TENM3: variants seen among roughly 807,000 people sequenced by gnomAD.
The protein encoded by TENM3 is teneurin-3.
A neutral mutation model predicts 255.1 loss-of-function variants in TENM3; 63 were observed. That is an observed-to-expected ratio of 0.25 (90% CI 0.20 to 0.30). The LOEUF (loss-of-function observed/expected upper bound fraction) is 0.30, where lower values mean the gene tolerates loss of function less well. Ranked by LOEUF, TENM3 falls within the 10% of genes least tolerant of loss-of-function variation. The pLI is 1.00. For synonymous variants in TENM3, 1,306 were observed against 1,322.3 expected (o/e 0.99, Z 0.27); for missense variants, 2,929 against 3,461.1 (o/e 0.85, Z 3.86).
chr4:181,512,134 T>C, the TENM3 span, among the ~76,000 whole-genome samples: 1 of 152,132 alleles, frequency 6.6e-6, no homozygotes, highest in Non-Finnish European at 1.5e-5. Flanking sequence ...TAGGCCAAGC[T>C]CCTGTGCCAC....
intron 3 of TENM3, among the ~76,000 whole-genome samples, chr4:182,547,841 G>A (rs1741598600): frequency 6.6e-6 from 1 of 152,188 alleles, no homozygotes; most frequent in Admixed American, 6.5e-5. Context: ...CAGATATTAA[G>A]GCATGGAGAA....
At chr4:181,865,836 A>G in the TENM3 span, among the ~76,000 whole-genome samples, 1 of 152,164 alleles carries the variant, frequency 6.6e-6, no homozygotes, top group African/African-American at 2.4e-5. Context: ...ATATATATTT[A>G]AGGAGACTTG....
intron 11 of TENM3, among the ~76,000 whole-genome samples, chr4:182,684,248 A>C (rs1032769891): frequency 6.6e-6 from 1 of 151,460 alleles, no homozygotes; most frequent in Non-Finnish European, 1.5e-5. Flanking sequence ...AATGGATTTT[A>C]CTAGCAGTGT....
At position 182,729,194 on chromosome 4, in the gene TENM3, T is replaced by G; in HGVS notation, c.2585+13T>G. The G allele has an allele frequency of 6.3e-7, 1 of 1,591,396 alleles. No individual in the cohort carries two copies. The highest frequency in any genetic ancestry group is 8.6e-7 in the Non-Finnish European group (1 of 1,159,488). ...CTTTCAATAAGAGGTTAATGCTTCTTTTCCATATGTAGATTTGTAATGATG... is the reference window on the plus strand; with the variant it reads ...CTTTCAATAAGAGGTTAATGCTTCTGTTCCATATGTAGATTTGTAATGATG... On this transcript the variant is annotated intron_variant, in intron 14 of 27. Coordinates refer to ENST00000511685, the MANE Select transcript of TENM3 (RefSeq NM_001080477.4).
chr4:181,837,575 A>G, the TENM3 span, among the ~76,000 whole-genome samples: 2 of 152,224 alleles, frequency 1.3e-5, no homozygotes, highest in Non-Finnish European at 2.9e-5. Context: ...TCATTGCTGC[A>G]TGTCCAACAG....
chr4:182,737,595 T>C (rs1391801659), intron 17 of TENM3, among the ~76,000 whole-genome samples: 2 of 152,164 alleles, frequency 1.3e-5, no homozygotes, highest in Non-Finnish European at 2.9e-5. Flanking sequence ...ATTGAATGAC[T>C]GAACAGTGCA....
the TENM3 span, among the ~76,000 whole-genome samples, chr4:181,598,212 G>A: frequency 4.3e-4 from 65 of 152,094 alleles, 1 homozygote; most frequent in South Asian, 1.5e-3. Flanking sequence ...TCTCTTCTCC[G>A]TTTACAACAC....
chr4:182,680,692 T>A lies in TENM3; in HGVS notation c.1789T>A (p.Ser597Thr), dbSNP rs965447514. The part of the protein sequence containing the change: ...CGGRGICIMG[S>T]CACNSGYKGE... The stretch of plus-strand genomic sequence containing the variant: ...GGGTCGTGGGATTTGTATCATGGGC[T>A]CTTGTGCTTGCAACTCAGGATACAA... The change falls in exon 10 of 28, where the codon TCT becomes ACT. Residue 597 changes from serine (S) to threonine (T), a missense_variant. By Grantham distance (58) the Ser-to-Thr change is moderately conservative (BLOSUM62 1). This residue lies in a region of TENM3 where 1,608 missense variants were observed against 1,884.4 expected (regional missense o/e 0.85). Transcript: ENST00000511685. 1 of 1,594,290 alleles carries A rather than the reference T, an allele frequency of 6.3e-7. No homozygotes were observed. The highest frequency in any genetic ancestry group is 1.8e-5 in the Admixed American group (1 of 54,078).
rs577691469 is a variant in TENM3 at position 182,686,007 on chromosome 4, C to T, written c.2036-2159C>T. 6.8e-4 allele frequency among the ~76,000 whole-genome samples: 104 copies of T among 151,880 alleles called. 3 individuals are homozygous for T. The South Asian group carries it at 0.02, about 29-fold the overall frequency. On this transcript the variant is annotated intron_variant, in intron 11 of 27. Coordinates refer to ENST00000511685, the MANE Select transcript of TENM3 (RefSeq NM_001080477.4). ...CACATCATTATTTTACATATTTAGA[C>T]GGAATTTTTTTCATGCTACTGTAAT...
At position 182,736,843 on chromosome 4, in the gene TENM3, T is replaced by C; in HGVS notation, c.3003T>C (p.Asp1001=). 6.2e-7 allele frequency: 1 copy of C among 1,613,678 alleles called. No individual in the cohort carries two copies. Among genetic ancestry groups the C allele is most frequent in the Non-Finnish European group, 8.5e-7 (1 of 1,179,778 alleles). ...LHEETTIPGT[D]LKLSYLSSRA... is the part of the protein sequence containing the mutation. Reference sequence around the variant, plus strand: ...AGGAAACTACAATTCCAGGAACAGATTTGAAACTCTCCTACTTGAGTTCCA... The same window carrying C: ...AGGAAACTACAATTCCAGGAACAGACTTGAAACTCTCCTACTTGAGTTCCA... Residue 1001 remains aspartate (D), a synonymous_variant, in exon 17 of 28, where the codon GAT becomes GAC. Coordinates refer to ENST00000511685, the MANE Select transcript of TENM3 (RefSeq NM_001080477.4).
intron 3 of TENM3, among the ~76,000 whole-genome samples, chr4:182,469,228 CTG>C (rs1732886141): frequency 2.0e-5 from 3 of 152,242 alleles, no homozygotes; most frequent in Admixed American, 2.0e-4. Context: ...TTTAATGTCT[CTG>C]TTTTAGTGTT....
the TENM3 span, among the ~76,000 whole-genome samples, chr4:182,096,852 C>T: frequency 8.6e-5 from 13 of 152,014 alleles, no homozygotes; most frequent in Non-Finnish European, 7.3e-5. Flanking sequence ...TTAAACAGCC[C>T]GAGTTCATCA....
chr4:182,784,340 G>T (rs909328405), intron 24 of TENM3, among the ~76,000 whole-genome samples: 4 of 145,946 alleles, frequency 2.7e-5, no homozygotes, highest in African/African-American at 7.3e-5. Flanking sequence ...GCCCCTGCTG[G>T]GGGGTGCCTC....
the TENM3 span, among the ~76,000 whole-genome samples, chr4:181,531,772 G>A: frequency 6.6e-6 from 1 of 152,200 alleles, no homozygotes; most frequent in Non-Finnish European, 1.5e-5. Flanking sequence ...TGTGTACACG[G>A]GACTGGGGAA....
chr4:181,832,716 A>G, the TENM3 span, among the ~76,000 whole-genome samples: 1 of 152,242 alleles, frequency 6.6e-6, no homozygotes, highest in South Asian at 2.1e-4. Context: ...GATCCTGACG[A>G]GTCACTCGCT....
intron 12 of TENM3, among the ~76,000 whole-genome samples, chr4:182,688,984 C>G (rs572709749): frequency 3.9e-5 from 6 of 152,132 alleles, no homozygotes; most frequent in African/African-American, 1.4e-4. Context: ...TGTTTCAGAT[C>G]AAAACATTAG....
chr4:182,674,137 T>C (rs1205778738), intron 7 of TENM3, among the ~76,000 whole-genome samples: 1 of 152,218 alleles, frequency 6.6e-6, no homozygotes, highest in African/African-American at 2.4e-5. Context: ...TTATATTCAA[T>C]AATCAGTTTA....
intron 5 of TENM3, among the ~76,000 whole-genome samples, chr4:182,653,128 T>C (rs1303558190): frequency 6.6e-6 from 1 of 152,182 alleles, no homozygotes; most frequent in Non-Finnish European, 1.5e-5. Flanking sequence ...TATAAATTTA[T>C]GAAATTATTT....
At chr4:182,004,384 A>G in the TENM3 span, among the ~76,000 whole-genome samples, 1 of 152,188 alleles carries the variant, frequency 6.6e-6, no homozygotes, top group East Asian at 1.9e-4. Flanking sequence ...ATGTTCCTGC[A>G]AAGGACATGA....
Sources: allele counts gnomAD v4.1 joint callset (sites outside exome capture counted in the v4.1 genomes callset), GRCh38; gene constraint gnomAD v4.1.1; regional missense constraint gnomAD v4.1.1; transcripts MANE v1.5; gene names NCBI Gene and HGNC (gene_info 2026-07-23, HGNC 2026-07-21).